LRRC69: variants seen among roughly 807,000 people sequenced by gnomAD.
LRRC69 encodes the protein leucine rich repeat containing 69.
A neutral mutation model predicts 37.8 loss-of-function variants in LRRC69; 42 were observed. The observed-to-expected ratio is 1.11, with a 90% CI of 0.87 to 1.44. LRRC69 has a LOEUF of 1.44. Among genes scored for constraint, LRRC69 ranks in the 40% most tolerant of loss-of-function variants. The pLI is 0.00. For missense variants in LRRC69, 357 were observed against 401.9 expected (o/e 0.89, Z 0.96); for synonymous variants, 141 against 143.1 (o/e 0.99, Z 0.11).
chr8:91,197,344 C>G (rs934089727), intron 6 of LRRC69, among the ~76,000 whole-genome samples: 2 of 152,198 alleles, frequency 1.3e-5, no homozygotes, highest in Admixed American at 1.3e-4. Context: ...GGCAGGCAGG[C>G]CTCCTGGAGC....
In LRRC69 at chr8:91,164,296, C is replaced by G. The variant is rs1451076876; in HGVS notation, c.652-25226C>G. On this transcript the variant is annotated intron_variant, in intron 5 of 7. Coordinates refer to ENST00000448384, the Ensembl canonical transcript of LRRC69. ...TAATGAGGGTTAAAAACTAACTTCT[C>G]TGTCAAGAAGACAACTACCCAAAGG... Among the ~76,000 whole-genome samples, 4 of 151,744 alleles carry G rather than the reference C, an allele frequency of 2.6e-5. No individual in the cohort carries two copies. In the East Asian group the frequency reaches 7.8e-4, roughly 30 times the overall value.
chr8:91,206,913 C>T, intron 7 of LRRC69: 1 of 1,130,114 alleles, frequency 8.8e-7, no homozygotes, highest in South Asian at 1.5e-5. Context: ...ACATGTTATT[C>T]CTGATCCTTA....
At chr8:91,171,470 C>T (rs189557802) in intron 5 of LRRC69, among the ~76,000 whole-genome samples, 5 of 152,094 alleles carry the variant, frequency 3.3e-5, no homozygotes, top group Admixed American at 3.3e-4. Flanking sequence ...CAGCACTGAA[C>T]TTGAAAAAAT....
chr8:91,152,404 G>T (rs778886691), intron 5 of LRRC69, among the ~76,000 whole-genome samples: 1 of 151,342 alleles, frequency 6.6e-6, no homozygotes, highest in East Asian at 1.9e-4. Context: ...CCCATTGCTT[G>T]TTTTGTCAGG....
At chr8:91,207,076 C>CA (rs1809817946) in intron 7 of LRRC69, among the ~76,000 whole-genome samples, 3 of 152,224 alleles carry the variant, frequency 2.0e-5, no homozygotes, top group African/African-American at 7.2e-5. Context: ...AACTGTGTGT[C>CA]AGATTATTTG....
chr8:91,182,185 A>T (rs1286501961), intron 5 of LRRC69, among the ~76,000 whole-genome samples: 1 of 152,168 alleles, frequency 6.6e-6, no homozygotes, highest in Non-Finnish European at 1.5e-5. Flanking sequence ...CAACCCATTG[A>T]CAACTGTTAA....
rs534456185 is a variant in LRRC69 at position 91,135,695 on chromosome 8, A to G, written c.607A>G (p.Ile203Val). ...ACTTTGTGATCTTAAAAAACTAAGAATCCTAGACATAGCTGGAAATATTAT... is the reference window on the plus strand; with the variant it reads ...ACTTTGTGATCTTAAAAAACTAAGAGTCCTAGACATAGCTGGAAATATTAT... The change falls in exon 5 of 8, where the codon ATC becomes GTC. Residue 203 changes from isoleucine (I) to valine (V), a missense_variant. Coordinates refer to ENST00000448384, the Ensembl canonical transcript of LRRC69. 10 of 1,465,602 alleles carry G rather than the reference A, an allele frequency of 6.8e-6. No individual in the cohort carries two copies. The African/African-American group carries it at 1.5e-4, about 22-fold the overall frequency. The allele number at this position is 1,465,602 out of a possible 1,614,324, so 90.8% of individuals were successfully genotyped here. A position where few individuals can be genotyped will look rare whatever the true frequency, so the allele number is the denominator to read the frequency against.
chr8:91,113,270 C>T (rs1043538010), intron 1 of LRRC69, among the ~76,000 whole-genome samples: 1 of 151,832 alleles, frequency 6.6e-6, no homozygotes, highest in Non-Finnish European at 1.5e-5. Context: ...CAATATTGAG[C>T]AAAGACATGA....
intron 3 of LRRC69, 120 bp from the exon 4 acceptor site, chr8:91,132,990 T>C: frequency 1.7e-6 from 1 of 577,816 alleles, no homozygotes; most frequent in South Asian, 2.7e-5. Context: ...TTGACTGAAG[T>C]AAGCTCAGAA....
At chr8:91,186,594 G>T (rs927014914) in intron 5 of LRRC69, among the ~76,000 whole-genome samples, 1 of 152,188 alleles carries the variant, frequency 6.6e-6, no homozygotes, top group Non-Finnish European at 1.5e-5. Flanking sequence ...GAGGGCTTTG[G>T]ATTTATCCTA....
chr8:91,192,416 G>A (rs1456993470), intron 6 of LRRC69, among the ~76,000 whole-genome samples: 10 of 151,710 alleles, frequency 6.6e-5, no homozygotes, highest in Admixed American at 2.0e-4. Context: ...CTGAGGAATC[G>A]CCACACTGAC....
chr8:91,197,563 C>G (rs1032500928), intron 6 of LRRC69, among the ~76,000 whole-genome samples: 1 of 152,090 alleles, frequency 6.6e-6, no homozygotes, highest in Admixed American at 6.5e-5. Context: ...TTTTTTAAGC[C>G]CGTCGGAAAA....
intron 1 of LRRC69, among the ~76,000 whole-genome samples, chr8:91,115,583 A>G (rs987002032): frequency 6.6e-6 from 1 of 151,994 alleles, no homozygotes; most frequent in African/African-American, 2.4e-5. Context: ...ATTGTTCTCT[A>G]TGTACTAAAG....
At chr8:91,114,452 T>TGC (rs1813471765) in intron 1 of LRRC69, among the ~76,000 whole-genome samples, 3 of 119,936 alleles carry the variant, frequency 2.5e-5, no homozygotes, top group African/African-American at 1.1e-4. Flanking sequence ...TATGTGTGTG[T>TGC]GTGTATATAT....
chr8:91,133,736 G>A (rs533978533), intron 4 of LRRC69, among the ~76,000 whole-genome samples: 1 of 152,064 alleles, frequency 6.6e-6, no homozygotes, highest in East Asian at 1.9e-4. Context: ...CCGGGTTCAG[G>A]TGATTCTCCT....
At chr8:91,135,917 T>A (rs904868145) in intron 5 of LRRC69, among the ~76,000 whole-genome samples, 178 bp downstream of exon 5, 4 of 152,026 alleles carry the variant, frequency 2.6e-5, no homozygotes, top group Non-Finnish European at 2.9e-5. Flanking sequence ...TTTCTTTGTG[T>A]TCTGTGCCTG....
chr8:91,206,010 T>A (rs1423972149), intron 7 of LRRC69, among the ~76,000 whole-genome samples: 1 of 152,214 alleles, frequency 6.6e-6, no homozygotes, highest in Non-Finnish European at 1.5e-5. Flanking sequence ...GTAATCGATT[T>A]ACTTGGTGTT....
chr8:91,212,550 A>G (rs963298561), intron 7 of LRRC69, among the ~76,000 whole-genome samples: 3 of 152,314 alleles, frequency 2.0e-5, no homozygotes, highest in South Asian at 4.1e-4. Flanking sequence ...TTTTATGACA[A>G]GCTGCCAGTA....
intron 7 of LRRC69, among the ~76,000 whole-genome samples, chr8:91,218,500 A>G (rs932999254): frequency 6.6e-6 from 1 of 152,208 alleles, no homozygotes; most frequent in Non-Finnish European, 1.5e-5. Context: ...CTGGGCAGGT[A>G]AAACCAAGAT....
Sources: gnomAD v4.1 joint callset for allele counts (sites outside exome capture counted in the v4.1 genomes callset) on GRCh38, gnomAD v4.1.1 for gene constraint, MANE v1.5 for transcripts, NCBI Gene and HGNC (gene_info 2026-07-23, HGNC 2026-07-21) for gene names.